The following PCDHA3 variants were observed in gnomAD, a reference collection of about 807,000 sequenced individuals.
PCDHA3 encodes protocadherin alpha 3.
In PCDHA3, 41 loss-of-function variants were observed where a neutral mutation model predicts 62.2. The ratio of observed to expected loss-of-function variants is 0.66; its 90% confidence interval spans 0.51 to 0.86. PCDHA3 has a LOEUF of 0.86. Among genes scored for constraint, PCDHA3 ranks in the 40% least tolerant of loss-of-function variants. The probability of loss-of-function intolerance (pLI) is 0.00; values close to 1 mark genes in which losing one functional copy is unlikely to be tolerated. For missense variants in PCDHA3, 1,304 were observed against 1,241.2 expected (o/e 1.05, Z -0.76); for synonymous variants, 640 against 555.4 (o/e 1.15, Z -2.14).
intron 1 of PCDHA3, chr5:140,928,471 G>A: frequency 6.2e-7 from 1 of 1,614,148 alleles, no homozygotes; most frequent in South Asian, 1.1e-5. Context: ...CCAAGTAGAA[G>A]GCCGGGATGG....
chr5:140,857,988 T>C lies in PCDHA3; in HGVS notation c.2394+54397T>C, dbSNP rs370495338. 30 of 1,596,780 alleles carry C rather than the reference T, an allele frequency of 1.9e-5. 3 individuals carry two copies. In the African/African-American group the frequency reaches 2.3e-4, roughly 12 times the overall value. On this transcript the variant is annotated intron_variant, in intron 1 of 3. Coordinates refer to ENST00000522353, the MANE Select transcript of PCDHA3 (RefSeq NM_018906.3). Reference sequence around the variant, plus strand: ...ACTGACTCGCCACGCCAGCGCCTACTGGTGCTGGTGAAGGACCATGGCGAG... The same window carrying C: ...ACTGACTCGCCACGCCAGCGCCTACCGGTGCTGGTGAAGGACCATGGCGAG...
intron 1 of PCDHA3, chr5:140,836,357 G>C: frequency 3.7e-6 from 6 of 1,613,654 alleles, no homozygotes; most frequent in Non-Finnish European, 5.1e-6. Context: ...GGGAGCCCTC[G>C]CTGACAGCCA....
chr5:140,901,356 T>C (rs1554189806), intron 1 of PCDHA3, among the ~76,000 whole-genome samples: 1 of 152,232 alleles, frequency 6.6e-6, no homozygotes, highest in Non-Finnish European at 1.5e-5. Context: ...GTCTTAGATT[T>C]AAGTCTTTAA....
chr5:140,815,491 T>A (rs1385608167), intron 1 of PCDHA3: 1 of 151,984 alleles, frequency 6.6e-6, no homozygotes, highest in Non-Finnish European at 1.5e-5. Flanking sequence ...ACCCAAATTT[T>A]ATGTTATTGA....
At chr5:140,903,614 T>C (rs1583498055) in intron 1 of PCDHA3, among the ~76,000 whole-genome samples, 1 of 152,204 alleles carries the variant, frequency 6.6e-6, no homozygotes, top group Non-Finnish European at 1.5e-5. Flanking sequence ...TACACATGAA[T>C]GTGCATGCAT....
rs1316558090 is a variant in PCDHA3, at chr5:140,876,786, G to A, written c.2394+73195G>A. 4 of 1,614,114 alleles carry A rather than the reference G, an allele frequency of 2.5e-6. No individual in the cohort carries two copies. In the African/African-American group the frequency reaches 5.3e-5, roughly 22 times the overall value. ...GGGGCTCGCCTTCGCTGTGGGCCAC[G>A]GCTAGAGTGTCCGTGGAGGTGGCCG... is the stretch of plus-strand genomic sequence containing the variant. On this transcript the variant is annotated intron_variant, in intron 1 of 3. Transcript: ENST00000522353.
chr5:140,824,127 C>A (rs2150132380), intron 1 of PCDHA3: 3 of 1,613,568 alleles, frequency 1.9e-6, no homozygotes, highest in Non-Finnish European at 2.5e-6. Context: ...CTACAGACAA[C>A]GTGAGTTTTC....
At chr5:140,914,670 C>T (rs554633450) in intron 1 of PCDHA3, among the ~76,000 whole-genome samples, 85 of 152,088 alleles carry the variant, frequency 5.6e-4, no homozygotes, top group African/African-American at 2.0e-3. Context: ...TCTTCTTTTT[C>T]ATGAAAATAA....
chr5:140,982,120 T>C (rs1554243763), intron 2 of PCDHA3, among the ~76,000 whole-genome samples: 1 of 152,256 alleles, frequency 6.6e-6, no homozygotes, highest in Non-Finnish European at 1.5e-5. Context: ...CTTGGAACTT[T>C]TGAGAACAAG....
chr5:140,946,631 T>TATATAGATATATATATATATATATACAC (rs57893927), intron 1 of PCDHA3, among the ~76,000 whole-genome samples: 1 of 131,846 alleles, frequency 7.6e-6, no homozygotes, highest in African/African-American at 3.5e-5. Flanking sequence ...TATATATATA[T>TATATAGATATATATATATATATATACAC]ACAATGGAAT....
chr5:140,847,058 A>C (rs1780836064), intron 1 of PCDHA3, among the ~76,000 whole-genome samples: 1 of 149,958 alleles, frequency 6.7e-6, no homozygotes, highest in Non-Finnish European at 1.5e-5. Context: ...AGACACAGAA[A>C]GCATCAATAT....
At chr5:140,899,884 T>C (rs1467670856) in intron 1 of PCDHA3, among the ~76,000 whole-genome samples, 17 of 152,152 alleles carry the variant, frequency 1.1e-4, no homozygotes, top group African/African-American at 3.9e-4. Flanking sequence ...CAGAACTCAG[T>C]GCAGCCTTGA....
At chr5:140,927,716 G>T (rs782756674) in intron 1 of PCDHA3, 1 of 1,614,190 alleles carries the variant, frequency 6.2e-7, no homozygotes, top group South Asian at 1.1e-5. Context: ...CTAAGCAACA[G>T]CACGCAAGCA....
intron 1 of PCDHA3, chr5:140,822,714 C>T (rs1554128827): frequency 1.2e-6 from 2 of 1,610,828 alleles, no homozygotes; most frequent in Non-Finnish European, 1.7e-6. Context: ...AAGACTATAA[C>T]TCATATGAAA....
At chr5:140,934,563 T>A (rs1017456946) in intron 1 of PCDHA3, among the ~76,000 whole-genome samples, 1 of 152,212 alleles carries the variant, frequency 6.6e-6, no homozygotes, top group African/African-American at 2.4e-5. Flanking sequence ...TTCTTTTTTT[T>A]AATTAATTGT....
At chr5:140,826,840 A>T (rs1244045746) in intron 1 of PCDHA3, among the ~76,000 whole-genome samples, 1 of 152,186 alleles carries the variant, frequency 6.6e-6, no homozygotes, top group Non-Finnish European at 1.5e-5. Flanking sequence ...AAGTTTCTCA[A>T]GTGTCTTGCA....
rs112377727 is a variant in PCDHA3, at chr5:140,875,811, G to T, written c.2394+72220G>T. The T allele has an allele frequency of 3.6e-4, 584 of 1,614,186 alleles. 8 individuals are homozygous for T. Among genetic ancestry groups the T allele is most frequent in the South Asian group, 3.4e-3 (314 of 91,084 alleles). On this transcript the variant is annotated intron_variant, in intron 1 of 3. Coordinates refer to ENST00000522353, the MANE Select transcript of PCDHA3 (RefSeq NM_018906.3). ...ACCTGGAGGTGATCGTGGACAGGCC[G>T]CTGCAGGTTTTCCATGTGGACGTGG...
intron 1 of PCDHA3, chr5:140,812,700 C>T (rs2126641059): frequency 2.0e-5 from 3 of 152,208 alleles, no homozygotes; most frequent in Non-Finnish European, 2.9e-5. Flanking sequence ...TGCAAGTGAT[C>T]CTTGTGCCTT....
chr5:140,920,745 G>T (rs2079798907), intron 1 of PCDHA3, among the ~76,000 whole-genome samples: 1 of 151,878 alleles, frequency 6.6e-6, no homozygotes, highest in Admixed American at 6.6e-5. Flanking sequence ...TCAGGAGGCT[G>T]AGGCAGGAGA....
Sources: gnomAD v4.1 joint callset for allele counts (sites outside exome capture counted in the v4.1 genomes callset) on GRCh38, gnomAD v4.1.1 for gene constraint, MANE v1.5 for transcripts, NCBI Gene and HGNC (gene_info 2026-07-23, HGNC 2026-07-21) for gene names.